CORIN: variants seen among roughly 807,000 people sequenced by gnomAD.
CORIN encodes the protein corin, serine peptidase, also known as atrial natriuretic peptide-converting enzyme.
A neutral mutation model predicts 125.3 loss-of-function variants in CORIN; 117 were observed. That is an observed-to-expected ratio of 0.93 (90% confidence interval 0.80 to 1.09). The LOEUF is 1.09. Ranked by LOEUF, CORIN falls within the 50% of genes least tolerant of loss-of-function variation. The pLI is 0.00. For missense variants in CORIN, 1,253 were observed against 1,306.7 expected, an observed-to-expected ratio of 0.96 and a Z score of 0.63; for synonymous variants, 450 against 466.4, an observed-to-expected ratio of 0.96 and a Z score of 0.45.
chr4:47,784,592 C>CA (rs2109912867), intron 3 of CORIN, among the ~76,000 whole-genome samples: 1 of 152,252 alleles, frequency 6.6e-6, no homozygotes, highest in East Asian at 1.9e-4. Context: ...ATGGAACTTT[C>CA]AAAATAAAGA....
At chr4:47,657,535 CAAAAA>C (rs35311151) in intron 12 of CORIN, among the ~76,000 whole-genome samples, 3 of 82,168 alleles carry the variant, frequency 3.7e-5, no homozygotes, top group Admixed American at 1.2e-4. Context: ...ACTCCGTCTC[CAAAAA>C]AAAAAAAAAA....
At chr4:47,768,085 C>T (rs55883529) in intron 3 of CORIN, among the ~76,000 whole-genome samples, 21,266 of 152,184 alleles carry the variant, frequency 0.14, 1,800 homozygotes, top group East Asian at 0.29. Context: ...TCCTGGCTCA[C>T]CCCGGCTCAA....
At chr4:47,743,745 C>G (rs73144288) in intron 5 of CORIN, among the ~76,000 whole-genome samples, 66 of 152,254 alleles carry the variant, frequency 4.3e-4, no homozygotes, top group African/African-American at 1.5e-3. Flanking sequence ...GTTAGCCAGG[C>G]ATGATGGCGT....
intron 19 of CORIN, among the ~76,000 whole-genome samples, chr4:47,606,106 G>T (rs1437307595): frequency 1.3e-5 from 2 of 152,074 alleles, no homozygotes; most frequent in African/African-American, 4.8e-5. Context: ...TTGTGTTAGG[G>T]ATTACAAGAA....
intron 7 of CORIN, chr4:47,681,437 T>C (rs535947067): frequency 2.6e-5 from 4 of 152,278 alleles, no homozygotes; most frequent in African/African-American, 9.6e-5. Context: ...TTCAGAGGAA[T>C]TCTGTTGCCT....
intron 4 of CORIN, among the ~76,000 whole-genome samples, chr4:47,754,441 A>T (rs891815329): frequency 8.5e-5 from 13 of 152,174 alleles, no homozygotes; most frequent in African/African-American, 2.4e-4. Context: ...TAACAGCAAC[A>T]GTGCTCATCT....
At chr4:47,813,587 CTT>C (rs1272761394) in intron 1 of CORIN, among the ~76,000 whole-genome samples, 1 of 152,162 alleles carries the variant, frequency 6.6e-6, no homozygotes, top group Non-Finnish European at 1.5e-5. Flanking sequence ...ATCAGGCAAA[CTT>C]GAGGCAGAAT....
chr4:47,788,350 A>G (rs972158651), intron 2 of CORIN, among the ~76,000 whole-genome samples: 3 of 152,202 alleles, frequency 2.0e-5, no homozygotes, highest in Non-Finnish European at 2.9e-5. Context: ...ATAGAAAAGC[A>G]GCTGTTTCTA....
At chr4:47,795,838 G>T (rs1254096534) in intron 2 of CORIN, among the ~76,000 whole-genome samples, 1 of 152,010 alleles carries the variant, frequency 6.6e-6, no homozygotes, top group Non-Finnish European at 1.5e-5. Context: ...CATACGCAGA[G>T]CCAGTAGCCA....
chr4:47,625,206 A>G (rs1352507754), intron 17 of CORIN, among the ~76,000 whole-genome samples: 1 of 152,094 alleles, frequency 6.6e-6, no homozygotes, highest in Non-Finnish European at 1.5e-5. Flanking sequence ...ATTCACTTCT[A>G]CATCCCCTCA....
chr4:47,677,988 T>A lies in CORIN; in HGVS notation c.1199A>T (p.Asp400Val). The A allele has an allele frequency of 4.3e-6, 7 of 1,614,078 alleles. No individual in the cohort carries two copies. The highest frequency in any genetic ancestry group is 5.9e-6 in the Non-Finnish European group (7 of 1,179,954). The change falls in exon 9 of 22, where the codon GAT (aspartate) becomes GTT (valine). Residue 400 changes from aspartate (D) to valine (V), a missense_variant. By Grantham distance (152) the Asp-to-Val change is radical. Transcript: ENST00000273857. ...CCCATCCTTGCAGTCCTCGTCACCATCACATTGAAACGTGCTGGGGATACA... is the reference window on the plus strand; with the variant it reads ...CCCATCCTTGCAGTCCTCGTCACCAACACATTGAAACGTGCTGGGGATACA... ...GQCIPSTFQCDGDEDCKDGSD... is the reference protein window; with the variant it reads ...GQCIPSTFQCVGDEDCKDGSD...
intron 1 of CORIN, among the ~76,000 whole-genome samples, chr4:47,808,265 C>A (rs1306143852): frequency 6.6e-6 from 1 of 152,100 alleles, no homozygotes; most frequent in African/African-American, 2.4e-5. Context: ...TAATAAATAC[C>A]AAACTTTTTT....
At chr4:47,757,872 ATATATG>A (rs1729235363) in intron 4 of CORIN, among the ~76,000 whole-genome samples, 3 of 110,234 alleles carry the variant, frequency 2.7e-5, no homozygotes, top group African/African-American at 1.2e-4. Context: ...ATATACATAT[ATATATG>A]TATATATATA....
At chr4:47,618,012 C>G (rs952107855) in intron 19 of CORIN, among the ~76,000 whole-genome samples, 2 of 149,832 alleles carry the variant, frequency 1.3e-5, no homozygotes, top group Admixed American at 6.7e-5. Flanking sequence ...TAATGCTCTC[C>G]CTCAGTCCTG....
chr4:47,633,036 C>A lies in CORIN; in HGVS notation c.2199-6515G>T, dbSNP rs1722903082. Among the ~76,000 whole-genome samples, 4 of 152,106 alleles carry A rather than the reference C, an allele frequency of 2.6e-5. No individual in the cohort carries two copies. In the South Asian group the frequency reaches 8.3e-4, roughly 32 times the overall value. On this transcript the variant is annotated intron_variant, in intron 16 of 21. Transcript: ENST00000273857. ...ACCTCAAGTGATCCACATGCCTCAGCCTCCCAGAGTGCTAGGATTATAGGC... is the reference window on the plus strand; with the variant it reads ...ACCTCAAGTGATCCACATGCCTCAGACTCCCAGAGTGCTAGGATTATAGGC...
chr4:47,646,113 T>G (rs891622038), intron 13 of CORIN, among the ~76,000 whole-genome samples: 5 of 151,136 alleles, frequency 3.3e-5, no homozygotes, highest in African/African-American at 1.2e-4. Flanking sequence ...TACATTAACA[T>G]TCATCTTTAA....
rs1400311927 is a variant in CORIN, at chr4:47,668,703, C to T, written c.1358-3440G>A. On this transcript the variant is annotated intron_variant, in intron 10 of 21. Transcript: ENST00000273857. ...ACTGAAGATGATTAACAGAACATAT[C>T]GCATGAATAATTTTTCTCTTTTTTA... Among the ~76,000 whole-genome samples, 4 of 151,908 alleles carry T rather than the reference C, an allele frequency of 2.6e-5. No homozygotes were observed. In the South Asian group the frequency reaches 6.3e-4, roughly 24 times the overall value.
rs147533769 is a variant in CORIN, at chr4:47,829,768, G to T, written c.63+8119C>A. Among the ~76,000 whole-genome samples the T allele has an allele frequency of 3.9e-3, 593 of 152,306 alleles. 2 individuals are homozygous for T. The highest frequency in any genetic ancestry group is 5.7e-3 in the Non-Finnish European group (389 of 68,026). Reference sequence around the variant, plus strand: ...AAAACACACCACTTGTCAGCTATCAGAAAGGGAAGAGAGAAACAATAAAGT... The same window carrying T: ...AAAACACACCACTTGTCAGCTATCATAAAGGGAAGAGAGAAACAATAAAGT... On this transcript the variant is annotated intron_variant, in intron 1 of 21. Transcript: ENST00000273857.
intron 5 of CORIN, chr4:47,706,635 T>C (rs1726573285): frequency 6.2e-7 from 1 of 1,607,194 alleles, no homozygotes; most frequent in African/African-American, 1.3e-5. Context: ...TCCATCATGG[T>C]GTTAACCAGC....
Sources: allele counts gnomAD v4.1 joint callset (sites outside exome capture counted in the v4.1 genomes callset), GRCh38; gene constraint gnomAD v4.1.1; transcripts MANE v1.5; gene names NCBI Gene and HGNC (gene_info 2026-07-23, HGNC 2026-07-21).